The following ATXN7 variants were observed in gnomAD, a reference collection of about 807,000 sequenced individuals.
The protein encoded by ATXN7 is ataxin-7.
A neutral mutation model predicts 70.5 loss-of-function variants in ATXN7; 12 were observed. The ratio of observed to expected loss-of-function variants is 0.17; its 90% CI spans 0.11 to 0.28. The LOEUF is 0.28. ATXN7 is among the 10% of genes least tolerant of loss of function. The probability of loss-of-function intolerance (pLI) is 1.00; values close to 1 mark genes in which losing one functional copy is unlikely to be tolerated. For synonymous variants in ATXN7, 498 were observed against 448.7 expected (o/e 1.11, Z -1.39); for missense variants, 1,256 against 1,131.7 (o/e 1.11, Z -1.58).
chr3:63,944,786 TG>T (rs1417629595), intron 4 of ATXN7, among the ~76,000 whole-genome samples: 3 of 152,084 alleles, frequency 2.0e-5, no homozygotes, highest in Admixed American at 6.5e-5. Flanking sequence ...TTTTGGTTTT[TG>T]TTTTTTGTTT....
At chr3:63,990,689 C>T in intron 10 of ATXN7, 49 bp from the exon 11 acceptor site, 1 of 1,613,514 alleles carries the variant, frequency 6.2e-7, no homozygotes, top group Non-Finnish European at 8.5e-7. Context: ...CCTGACTGGG[C>T]ATGCCAGTGT....
At chr3:63,982,471 A>T in intron 7 of ATXN7, 26 bp downstream of exon 7, 1 of 1,547,134 alleles carries the variant, frequency 6.5e-7, no homozygotes, top group Non-Finnish European at 8.9e-7. Context: ...CTTTCTTCAT[A>T]ATGCTTCTCT....
rs117798250 is a variant in ATXN7 at position 63,927,369 on chromosome 3, A to G, written c.394+14144A>G. Among the ~76,000 whole-genome samples, 133 of 152,330 alleles carry G rather than the reference A, an allele frequency of 8.7e-4. 2 individuals are homozygous for G. In the East Asian group the frequency reaches 0.02, roughly 23 times the overall value. ...TAGATTTGGGGTATAAATGCCAGGT[A>G]GAAGGAATTATCATGAGAAGTGTTT... On this transcript the variant is annotated intron_variant, in intron 4 of 12. Transcript: ENST00000674280.
chr3:63,968,226 C>T (rs888468922), intron 5 of ATXN7: 17 of 432,684 alleles, frequency 3.9e-5, no homozygotes, highest in Non-Finnish European at 6.7e-5. Flanking sequence ...ATCGCAGCCA[C>T]AGGGATTAGC....
At chr3:63,931,621 A>G (rs1286688002) in intron 4 of ATXN7, among the ~76,000 whole-genome samples, 1 of 152,096 alleles carries the variant, frequency 6.6e-6, no homozygotes, top group Non-Finnish European at 1.5e-5. Context: ...GAAAAGGAAC[A>G]TTATTGCCAT....
chr3:63,991,989 A>G (rs2075679436), intron 11 of ATXN7, among the ~76,000 whole-genome samples: 1 of 152,152 alleles, frequency 6.6e-6, no homozygotes, highest in African/African-American at 2.4e-5. Flanking sequence ...TTGGAGAACT[A>G]GTATTCGGTG....
At chr3:63,890,393 A>G (rs1703221634) in intron 1 of ATXN7, among the ~76,000 whole-genome samples, 1 of 152,220 alleles carries the variant, frequency 6.6e-6, no homozygotes, top group Non-Finnish European at 1.5e-5. Flanking sequence ...AAATGAGGGA[A>G]ACAAGTTTTG....
At chr3:63,973,225 G>T (rs772994155) in intron 5 of ATXN7, among the ~76,000 whole-genome samples, 7 of 152,088 alleles carry the variant, frequency 4.6e-5, no homozygotes, top group Non-Finnish European at 1.0e-4. Flanking sequence ...GTTTTTATTT[G>T]ATTTGGATTC....
At chr3:63,886,801 T>C (rs765837066) in intron 1 of ATXN7, among the ~76,000 whole-genome samples, 35 of 152,222 alleles carry the variant, frequency 2.3e-4, no homozygotes, top group Non-Finnish European at 4.4e-4. Context: ...TCTGGTCTTA[T>C]TATGGTGTAA....
chr3:63,929,932 A>C (rs1002775888), intron 4 of ATXN7, among the ~76,000 whole-genome samples: 1 of 152,142 alleles, frequency 6.6e-6, no homozygotes, highest in African/African-American at 2.4e-5. Flanking sequence ...AGTGGTTCAC[A>C]CTGTATATTG....
At chr3:63,980,436 T>C (rs1228748696) in intron 6 of ATXN7, 1 of 468,530 alleles carries the variant, frequency 2.1e-6, no homozygotes, top group Non-Finnish European at 3.8e-6. Context: ...GTGTACTATG[T>C]CACTTATCAC....
At chr3:63,940,581 C>G (rs2074741445) in intron 4 of ATXN7, among the ~76,000 whole-genome samples, 1 of 152,126 alleles carries the variant, frequency 6.6e-6, no homozygotes, top group Non-Finnish European at 1.5e-5. Flanking sequence ...AAAATAAACA[C>G]TGTTCTTTAT....
At chr3:63,981,970 T>G (rs186763492) in intron 6 of ATXN7, among the ~76,000 whole-genome samples, 66 of 152,274 alleles carry the variant, frequency 4.3e-4, no homozygotes, top group Admixed American at 4.2e-3. Context: ...ACCAGGCAAA[T>G]TTGATGGTCC....
At chr3:63,979,791 A>G (rs2075455438) in intron 5 of ATXN7, 124 bp from the exon 6 acceptor site, 1 of 1,352,424 alleles carries the variant, frequency 7.4e-7, no homozygotes, top group Non-Finnish European at 1.0e-6. Flanking sequence ...TGCTGAGTTT[A>G]ACATACCTTC....
At chr3:63,863,665 G>T (rs1702298287), upstream of ATXN7, 2 of 1,228,186 alleles carry the variant, frequency 1.6e-6, no homozygotes, top group African/African-American at 1.6e-5. Context: ...TGGCGAAGAG[G>T]CCGGGGAGGC....
chr3:63,871,467 C>T (rs1413719392), intron 1 of ATXN7, among the ~76,000 whole-genome samples: 2 of 152,130 alleles, frequency 1.3e-5, no homozygotes, highest in African/African-American at 2.4e-5. Context: ...GGTAAATTCA[C>T]ATCTAGGAAT....
chr3:63,872,462 A>G (rs965407368), intron 1 of ATXN7, among the ~76,000 whole-genome samples: 3 of 152,004 alleles, frequency 2.0e-5, no homozygotes, highest in Admixed American at 6.6e-5. Flanking sequence ...ACATAATCTC[A>G]TCTTCTAGCA....
At chr3:63,985,329 T>C (rs1448909231) in intron 8 of ATXN7, among the ~76,000 whole-genome samples, 2 of 152,202 alleles carry the variant, frequency 1.3e-5, no homozygotes, top group Non-Finnish European at 2.9e-5. Context: ...GTCATTACTC[T>C]CCGTGGCATT....
intron 1 of ATXN7, among the ~76,000 whole-genome samples, chr3:63,881,099 G>C (rs1464103309): frequency 6.6e-6 from 1 of 152,184 alleles, no homozygotes; most frequent in Non-Finnish European, 1.5e-5. Context: ...GTGCCAGACT[G>C]TGCTTTACTT....
Sources: allele counts gnomAD v4.1 joint callset (sites outside exome capture counted in the v4.1 genomes callset), GRCh38; gene constraint gnomAD v4.1.1; transcripts MANE v1.5; gene names NCBI Gene and HGNC (gene_info 2026-07-23, HGNC 2026-07-21).